Variants in CAMK2A observed in about 807,000 individuals in gnomAD.
CAMK2A encodes the protein calcium/calmodulin dependent protein kinase II alpha, also known as calcium/calmodulin-dependent protein kinase type II subunit alpha.
In CAMK2A, 7 loss-of-function variants were observed where a neutral mutation model predicts 79.2. The ratio of observed to expected loss-of-function variants is 0.09; its 90% CI spans 0.05 to 0.17. The LOEUF is 0.17. CAMK2A is among the 10% of genes least tolerant of loss of function. The pLI is 1.00. For synonymous variants in CAMK2A, 242 were observed against 251.7 expected, an observed-to-expected ratio of 0.96 and a Z score of 0.36; for missense variants, 214 against 646.4, an observed-to-expected ratio of 0.33 and a Z score of 7.25.
In CAMK2A at chr5:150,228,236, T is replaced by A. The variant is rs764964453; in HGVS notation, c.1193A>T (p.Asn398Ile). 1 of 1,613,782 alleles carries A rather than the reference T, an allele frequency of 6.2e-7. No homozygotes were observed. Among genetic ancestry groups the A allele is most frequent in the Non-Finnish European group, 8.5e-7 (1 of 1,179,922 alleles). ...ATGGAAGTCCAGGCCCTCAACCAGG[T>A]TCCCCAGGGCCTCAGGTTCGAAGGC... ...MTAFEPEALG[N>I]LVEGLDFHRF... Residue 398 changes from asparagine (N) to isoleucine (I), a missense_variant, in exon 17 of 19, where the codon AAC (asparagine) becomes ATC (isoleucine). Transcript: ENST00000671881.
chr5:150,223,508 C>A lies in CAMK2A; in HGVS notation c.1238-291G>T, dbSNP rs1754451208. On this transcript the variant is annotated intron_variant, in intron 17 of 18. Transcript: ENST00000671881. This position sits in a 1 kb window ranked among gnomAD's most constrained non-coding sequence, Gnocchi z 4.1. ...TGACCGTTAGCCACATGGAATAAGCCTAGAGGATCATAGAACCAGAAGAGC... is the reference window on the plus strand; with the variant it reads ...TGACCGTTAGCCACATGGAATAAGCATAGAGGATCATAGAACCAGAAGAGC... 6.6e-6 allele frequency among the ~76,000 whole-genome samples: 1 copy of A among 152,142 alleles called. No homozygotes were observed.
intron 1 of CAMK2A, among the ~76,000 whole-genome samples, chr5:150,277,490 G>A (rs1018311326): frequency 3.9e-5 from 6 of 152,244 alleles, no homozygotes; most frequent in Admixed American, 2.0e-4. Flanking sequence ...AGCCAAGGCC[G>A]TAAGAGCTAC....
chr5:150,278,400 T>C (rs924708195), intron 1 of CAMK2A, among the ~76,000 whole-genome samples: 6 of 150,188 alleles, frequency 4.0e-5, no homozygotes, highest in Admixed American at 6.6e-5. Flanking sequence ...AAAAAGCATG[T>C]TTCTGTATTC....
intron 17 of CAMK2A, among the ~76,000 whole-genome samples, chr5:150,224,651 G>T (rs1007310956): frequency 6.6e-6 from 1 of 152,054 alleles, no homozygotes; most frequent in Non-Finnish European, 1.5e-5. Context: ...GGGTTTCAGC[G>T]TCATAGACTT....
chr5:150,256,558 C>A lies in CAMK2A; in HGVS notation c.411+15G>T. ...GGGCTCCCGGGGTGAGCCACACCCACGGTGGGTTGCTCACCTTCAGGTCCC... is the reference window on the plus strand; with the variant it reads ...GGGCTCCCGGGGTGAGCCACACCCAAGGTGGGTTGCTCACCTTCAGGTCCC... On this transcript the variant is annotated intron_variant, in intron 6 of 18. Transcript: ENST00000671881. This position sits in a 1 kb window ranked among gnomAD's most constrained non-coding sequence, Gnocchi z 4.6. The A allele has an allele frequency of 1.2e-6, 2 of 1,605,668 alleles. No individual in the cohort carries two copies. The highest frequency in any genetic ancestry group is 1.7e-6 in the Non-Finnish European group (2 of 1,173,604).
chr5:150,259,927 C>A (rs527729159), intron 3 of CAMK2A, among the ~76,000 whole-genome samples: 1 of 152,162 alleles, frequency 6.6e-6, no homozygotes, highest in Admixed American at 6.5e-5. Context: ...CGAGATCATG[C>A]CACTGCACTC....
At chr5:150,250,549 T>C in intron 10 of CAMK2A, 139 bp downstream of exon 10, 1 of 1,242,968 alleles carries the variant, frequency 8.0e-7, no homozygotes, top group East Asian at 2.3e-5. Context: ...ACATTACCCC[T>C]GAGAACCACA....
At chr5:150,257,271 C>CA (rs1281977117) in intron 4 of CAMK2A, among the ~76,000 whole-genome samples, 3 of 151,394 alleles carry the variant, frequency 2.0e-5, no homozygotes, top group Non-Finnish European at 4.4e-5. Context: ...CAACACTCCT[C>CA]AAAAAAAAAT....
At chr5:150,231,864 T>C (rs1414418182) in intron 15 of CAMK2A, among the ~76,000 whole-genome samples, 4 of 152,210 alleles carry the variant, frequency 2.6e-5, no homozygotes, top group African/African-American at 9.6e-5. Flanking sequence ...CCAGCACCAC[T>C]AAGAAAAATC....
intron 2 of CAMK2A, 30 bp from the exon 3 acceptor site, chr5:150,265,045 G>T: frequency 6.5e-7 from 1 of 1,542,366 alleles, no homozygotes; most frequent in Non-Finnish European, 9.0e-7. Context: ...GTGAGTCCCC[G>T]GTGAGGAAGG....
At chr5:150,242,041 T>C (rs1033809592) in intron 13 of CAMK2A, among the ~76,000 whole-genome samples, 1 of 152,066 alleles carries the variant, frequency 6.6e-6, no homozygotes, top group Non-Finnish European at 1.5e-5. Flanking sequence ...GGATGGGACA[T>C]GGGGAGAGAG....
chr5:150,265,121 TGG>T, intron 2 of CAMK2A, 106 bp from the exon 3 acceptor site: 1 of 828,620 alleles, frequency 1.2e-6, no homozygotes, highest in East Asian at 2.7e-5. Context: ...GGGCAGCCCC[TGG>T]GGGCTGGGAA....
At chr5:150,231,470 C>G in intron 15 of CAMK2A, 90 bp from the exon 16 acceptor site, 1 of 567,638 alleles carries the variant, frequency 1.8e-6, no homozygotes, top group South Asian at 6.6e-5. Flanking sequence ...CACCAACTAC[C>G]ATTTCTTGAG....
At chr5:150,274,326 A>G (rs1373563577) in intron 1 of CAMK2A, among the ~76,000 whole-genome samples, 1 of 152,154 alleles carries the variant, frequency 6.6e-6, no homozygotes, top group Non-Finnish European at 1.5e-5. Context: ...CCCATTTCCT[A>G]CCTCATTTGA....
intron 7 of CAMK2A, 48 bp from the exon 8 acceptor site, chr5:150,252,113 C>T (rs1466734819): frequency 2.9e-6 from 4 of 1,399,508 alleles, no homozygotes; most frequent in South Asian, 2.4e-5. Context: ...GAGGTTGTCT[C>T]GTAAGTAACC....
chr5:150,231,027 C>T (rs1288460629), intron 16 of CAMK2A, among the ~76,000 whole-genome samples: 1 of 152,124 alleles, frequency 6.6e-6, no homozygotes, highest in East Asian at 1.9e-4. Flanking sequence ...CTTGGGGAAG[C>T]AAGGGAGTTT....
At chr5:150,239,778 G>A (rs757212644) in intron 13 of CAMK2A, 42 bp from the exon 14 acceptor site, 24 of 1,578,076 alleles carry the variant, frequency 1.5e-5, no homozygotes, top group Non-Finnish European at 2.1e-5. Flanking sequence ...AAAAGACACA[G>A]CGTGAAAACG....
Position 150,257,615 on chromosome 5 carries a change from G to T in CAMK2A, c.220C>A (p.Arg74=). 1 of 1,567,770 alleles carries T rather than the reference G, an allele frequency of 6.4e-7. No homozygotes were observed. The highest frequency in any genetic ancestry group is 8.6e-7 in the Non-Finnish European group (1 of 1,156,406). ...CRLLKHPNIV[R]LHDSISEEGH... The stretch of plus-strand genomic sequence containing the variant: ...TCCTCTGAGATGCTGTCATGTAGTC[G>T]GACTGTGGGCGGGGCAAGGCAGTTG... Residue 74 remains arginine, a splice_region_variant and synonymous_variant, in exon 4 of 19, where the codon CGA becomes AGA. Coordinates refer to ENST00000671881, the MANE Select transcript of CAMK2A (RefSeq NM_015981.4).
intron 13 of CAMK2A, among the ~76,000 whole-genome samples, chr5:150,244,849 C>T (rs1173974531): frequency 6.6e-6 from 1 of 152,196 alleles, no homozygotes; most frequent in Non-Finnish European, 1.5e-5. Flanking sequence ...CACCAGCTCT[C>T]CAGCCTCGGA....
Sources: gnomAD v4.1 joint callset for allele counts (sites outside exome capture counted in the v4.1 genomes callset) on GRCh38, gnomAD v4.1.1 for gene constraint, Gnocchi (gnomAD v3.1) non-coding constraint, MANE v1.5 for transcripts, NCBI Gene and HGNC (gene_info 2026-07-23, HGNC 2026-07-21) for gene names.